Variants in PIP5K1B observed in about 807,000 individuals in gnomAD.
PIP5K1B encodes phosphatidylinositol-4-phosphate 5-kinase type 1 beta.
A neutral mutation model predicts 67.0 loss-of-function variants in PIP5K1B; 42 were observed. That is an observed-to-expected ratio of 0.63 (90% confidence interval 0.49 to 0.81). PIP5K1B has a LOEUF of 0.81. Among genes scored for constraint, PIP5K1B ranks in the 30% least tolerant of loss-of-function variants. PIP5K1B has a pLI of 0.00. For synonymous variants in PIP5K1B, 214 were observed against 231.4 expected (o/e 0.92, Z 0.68); for missense variants, 459 against 646.3 (o/e 0.71, Z 3.14).
chr9:68,827,027 C>T (rs1834023397), intron 4 of PIP5K1B, among the ~76,000 whole-genome samples: 1 of 152,210 alleles, frequency 6.6e-6, no homozygotes, highest in South Asian at 2.1e-4. Flanking sequence ...GCTGGGATTA[C>T]AGGTGTGAGC....
intron 1 of PIP5K1B, among the ~76,000 whole-genome samples, chr9:68,713,800 G>C (rs999633851): frequency 6.6e-5 from 10 of 152,172 alleles, no homozygotes; most frequent in African/African-American, 1.9e-4. Context: ...TATAAACATG[G>C]TCCTGGCTGT....
chr9:68,761,491 T>C (rs1052102150), intron 2 of PIP5K1B, among the ~76,000 whole-genome samples: 4 of 152,122 alleles, frequency 2.6e-5, no homozygotes, highest in Admixed American at 6.6e-5. Flanking sequence ...CTTAAAACAA[T>C]GCAAATGTAT....
At position 68,899,443 on chromosome 9, in the gene PIP5K1B, A is replaced by G. The variant is rs957438552; in HGVS notation, c.771+4805A>G. On this transcript the variant is annotated intron_variant, in intron 8 of 15. Transcript: ENST00000265382. ...TTGGAATATGTATTTGAACAGAGGA[A>G]TAATCAGCTGTCTAATGATTTAAAA... is the stretch of plus-strand genomic sequence containing the variant. 7.7e-5 allele frequency among the ~76,000 whole-genome samples: 11 copies of G among 142,748 alleles called. No homozygotes were observed. In the Admixed American group the frequency reaches 8.2e-4, roughly 11 times the overall value. 93.6% of individuals were successfully genotyped at this position (142,748 alleles called of 152,430 possible).
chr9:68,804,906 G>T (rs1001208827), intron 2 of PIP5K1B, among the ~76,000 whole-genome samples: 5 of 152,250 alleles, frequency 3.3e-5, no homozygotes, highest in African/African-American at 1.2e-4. Context: ...GCACAAAGGA[G>T]TGTTTCATAT....
At chr9:68,747,379 C>G (rs1306957091) in intron 2 of PIP5K1B, among the ~76,000 whole-genome samples, 1 of 151,700 alleles carries the variant, frequency 6.6e-6, no homozygotes, top group Non-Finnish European at 1.5e-5. Context: ...TTAGTTATTA[C>G]TGCCACGTCG....
intron 14 of PIP5K1B, among the ~76,000 whole-genome samples, chr9:68,970,420 C>T (rs1033014456): frequency 6.6e-6 from 1 of 152,166 alleles, no homozygotes; most frequent in Admixed American, 6.5e-5. Flanking sequence ...TTGGTTGTTC[C>T]TGGCAATTAG....
chr9:68,899,380 A>G (rs1825247879), intron 8 of PIP5K1B, among the ~76,000 whole-genome samples: 1 of 152,150 alleles, frequency 6.6e-6, no homozygotes, highest in South Asian at 2.1e-4. Flanking sequence ...CTTTATATCT[A>G]CATGCCTGGT....
chr9:68,775,393 C>G (rs1830865969), intron 2 of PIP5K1B, among the ~76,000 whole-genome samples: 1 of 152,146 alleles, frequency 6.6e-6, no homozygotes, highest in African/African-American at 2.4e-5. Flanking sequence ...TGGCATATTA[C>G]AATTGTCAGC....
intron 4 of PIP5K1B, among the ~76,000 whole-genome samples, chr9:68,851,002 CCTGT>C (rs1397888716): frequency 6.6e-6 from 1 of 152,082 alleles, no homozygotes; most frequent in Non-Finnish European, 1.5e-5. Context: ...CAGTTGATGG[CCTGT>C]CTCTTTTTAG....
At chr9:68,809,250 CA>C (rs573518882) in intron 2 of PIP5K1B, among the ~76,000 whole-genome samples, 294 of 152,220 alleles carry the variant, frequency 1.9e-3, no homozygotes, top group African/African-American at 6.8e-3. Flanking sequence ...TAACCCAGCA[CA>C]TTTTAAACCT....
intron 4 of PIP5K1B, among the ~76,000 whole-genome samples, chr9:68,833,873 A>G (rs950296215): frequency 5.3e-5 from 8 of 152,306 alleles, no homozygotes; most frequent in Admixed American, 1.3e-4. Flanking sequence ...CAATTTGGAC[A>G]TGTGAGTTTG....
In PIP5K1B at chr9:68,837,607, G is replaced by GTTTTTTTTTTTTTTTTTTTTTTTTT. The variant is rs57120656; in HGVS notation, c.69+14942_69+14943insTTTTTTTTTTTTTTTTTTTTTTTTT. Among the ~76,000 whole-genome samples the GTTTTTTTTTTTTTTTTTTTTTTTTT allele has an allele frequency of 1.8e-5, 2 of 111,876 alleles. 1 individual carries two copies. Among genetic ancestry groups the GTTTTTTTTTTTTTTTTTTTTTTTTT allele is most frequent in the Non-Finnish European group, 3.6e-5 (2 of 54,900 alleles). The allele number at this position is 111,876 out of a possible 152,430, so 73.4% of individuals were successfully genotyped here. On this transcript the variant is annotated intron_variant, in intron 4 of 15. Coordinates refer to ENST00000265382, the MANE Select transcript of PIP5K1B (RefSeq NM_003558.4). ...AGACTTTTACTTTTCCTTACTTTGT[G>GTTTTTTTTTTTTTTTTTTTTTTTTT]TTTTTTTTTTTTTTTTTTGACCCAA...
intron 14 of PIP5K1B, among the ~76,000 whole-genome samples, chr9:68,959,892 T>G (rs1682477559): frequency 6.6e-6 from 1 of 152,340 alleles, no homozygotes; most frequent in South Asian, 2.1e-4. Context: ...CCCAGAGTCT[T>G]CTGACCTTGT....
chr9:68,957,163 C>T (rs1005032686), intron 14 of PIP5K1B, among the ~76,000 whole-genome samples: 2 of 151,718 alleles, frequency 1.3e-5, no homozygotes, highest in African/African-American at 4.9e-5. Context: ...CTCATAGTTA[C>T]AAGATGGCTG....
At chr9:68,973,232 G>A (rs1250371167) in intron 14 of PIP5K1B, among the ~76,000 whole-genome samples, 6 of 151,970 alleles carry the variant, frequency 3.9e-5, no homozygotes, top group South Asian at 2.1e-4. Flanking sequence ...GCGACAGAGC[G>A]AGACTCCATC....
At chr9:68,743,121 C>T (rs1292117206) in intron 2 of PIP5K1B, among the ~76,000 whole-genome samples, 1 of 151,930 alleles carries the variant, frequency 6.6e-6, no homozygotes, top group Non-Finnish European at 1.5e-5. Flanking sequence ...GTCCCTGCTT[C>T]AAGGAGCTCA....
At chr9:68,902,878 C>A (rs897165436) in intron 8 of PIP5K1B, among the ~76,000 whole-genome samples, 12 of 152,056 alleles carry the variant, frequency 7.9e-5, no homozygotes, top group African/African-American at 2.9e-4. Context: ...AAAGATAAAT[C>A]TAATAAAGCA....
chr9:68,842,245 A>G (rs1416184576), intron 4 of PIP5K1B, among the ~76,000 whole-genome samples: 2 of 152,166 alleles, frequency 1.3e-5, no homozygotes, highest in African/African-American at 4.8e-5. Context: ...GTGTCCATGG[A>G]GGCAGGGAGG....
At chr9:68,765,843 T>G (rs1380388038) in intron 2 of PIP5K1B, among the ~76,000 whole-genome samples, 1 of 152,150 alleles carries the variant, frequency 6.6e-6, no homozygotes, top group Non-Finnish European at 1.5e-5. Context: ...GAATGACAAT[T>G]GATGTAGACT....
Sources: allele counts gnomAD v4.1 joint callset (sites outside exome capture counted in the v4.1 genomes callset), GRCh38; gene constraint gnomAD v4.1.1; transcripts MANE v1.5; gene names NCBI Gene and HGNC (gene_info 2026-07-23, HGNC 2026-07-21).